SNX29: variants seen among roughly 807,000 people sequenced by gnomAD.
SNX29 encodes sorting nexin 29.
Under a neutral mutation model 102.1 loss-of-function variants are expected in SNX29, and 78 were observed. That is an observed-to-expected ratio of 0.76 (90% CI 0.64 to 0.92). The LOEUF (loss-of-function observed/expected upper bound fraction) is 0.92. Among genes scored for constraint, SNX29 ranks in the 40% least tolerant of loss-of-function variants. SNX29 has a pLI of 0.00. For missense variants in SNX29, 1,280 were observed against 1,061.7 expected, an observed-to-expected ratio of 1.21 and a Z score of -2.86; for synonymous variants, 580 against 414.5, an observed-to-expected ratio of 1.40 and a Z score of -4.85.
intron 16 of SNX29, among the ~76,000 whole-genome samples, chr16:12,392,946 A>G (rs1174723368): frequency 6.6e-6 from 1 of 152,198 alleles, no homozygotes; most frequent in African/African-American, 2.4e-5. Flanking sequence ...GGCTTGACCA[A>G]CCAAGCTGAG....
chr16:12,559,539 C>T (rs1339065074), intron 20 of SNX29, among the ~76,000 whole-genome samples: 4 of 151,962 alleles, frequency 2.6e-5, no homozygotes, highest in South Asian at 2.1e-4. Flanking sequence ...GCATCCCCAC[C>T]CCCTACATCT....
intron 11 of SNX29, among the ~76,000 whole-genome samples, chr16:12,120,378 G>C (rs1004436658): frequency 6.6e-6 from 1 of 152,252 alleles, no homozygotes; most frequent in South Asian, 2.1e-4. Context: ...AAGCCAGGGA[G>C]TTATTGCACA....
intron 3 of SNX29, among the ~76,000 whole-genome samples, chr16:12,013,488 G>GAAA (rs564156499): frequency 0.032 from 410 of 12,912 alleles, 39 homozygotes; most frequent in Middle Eastern, 0.1. Context: ...TCTACTGGGG[G>GAAA]AAAAAAAAAA....
chr16:12,513,149 C>T (rs1014694200), intron 19 of SNX29, among the ~76,000 whole-genome samples: 48 of 151,730 alleles, frequency 3.2e-4, no homozygotes, highest in Admixed American at 2.9e-3. Context: ...CTCATCCTCC[C>T]TTCCTCTGAA....
rs764525548 is a variant in SNX29 at position 12,087,844 on chromosome 16, C to G, written c.1402+8929C>G. The G allele has an allele frequency of 1.3e-4, 60 of 456,936 alleles. No individual in the cohort carries two copies. In the East Asian group the frequency reaches 2.1e-3, roughly 16 times the overall value. The allele number at this position is 456,936 out of a possible 1,614,324, so 28.3% of individuals were successfully genotyped here. ...CTCTTTCCCTCTTCCTCCTGGTTGA[C>G]GTGGCTGGGAAGCAGCAGTGTTTTG... is the stretch of plus-strand genomic sequence containing the variant. On this transcript the variant is annotated intron_variant, in intron 11 of 20. Transcript: ENST00000566228.
intron 14 of SNX29, among the ~76,000 whole-genome samples, chr16:12,216,700 C>T (rs1033130746): frequency 2.0e-5 from 3 of 152,232 alleles, no homozygotes; most frequent in East Asian, 3.9e-4. Context: ...CATTGCCTGC[C>T]CATGTGCCCT....
intron 18 of SNX29, among the ~76,000 whole-genome samples, chr16:12,462,422 C>T (rs958722219): frequency 6.6e-6 from 1 of 152,108 alleles, no homozygotes; most frequent in African/African-American, 2.4e-5. Context: ...TCCCACTTAA[C>T]TTGAAAAATA....
chr16:12,122,063 G>T (rs2053996473), intron 11 of SNX29, among the ~76,000 whole-genome samples: 1 of 152,202 alleles, frequency 6.6e-6, no homozygotes, highest in Non-Finnish European at 1.5e-5. Flanking sequence ...TGATCTGCCT[G>T]CCTCAGCCTC....
chr16:12,157,825 G>C (rs59543877), intron 13 of SNX29, among the ~76,000 whole-genome samples: 5,639 of 152,190 alleles, frequency 0.037, 343 homozygotes, highest in African/African-American at 0.13. Context: ...AAAGCCCTTT[G>C]TGCCTCTGGG....
chr16:12,406,044 AC>A (rs1434592438), intron 18 of SNX29, among the ~76,000 whole-genome samples: 8 of 152,186 alleles, frequency 5.3e-5, no homozygotes, highest in African/African-American at 1.9e-4. Flanking sequence ...AAAAAAGAAA[AC>A]AAGTATGCTA....
intron 19 of SNX29, among the ~76,000 whole-genome samples, chr16:12,492,304 G>A (rs944115226): frequency 6.6e-6 from 1 of 152,176 alleles, no homozygotes; most frequent in African/African-American, 2.4e-5. Context: ...TTTTTCATGT[G>A]TTTTTTGGCT....
chr16:12,547,693 T>G (rs2141310460), intron 20 of SNX29, among the ~76,000 whole-genome samples: 1 of 152,232 alleles, frequency 6.6e-6, no homozygotes. Context: ...GGCCCCCGCG[T>G]TCCTGTCTGG....
At chr16:12,404,164 G>T (rs916740008) in intron 18 of SNX29, among the ~76,000 whole-genome samples, 3 of 152,322 alleles carry the variant, frequency 2.0e-5, no homozygotes, top group Non-Finnish European at 4.4e-5. Flanking sequence ...GAGAGCCAGA[G>T]AATTCTTTCC....
chr16:12,497,233 A>G (rs2088874593), intron 19 of SNX29, among the ~76,000 whole-genome samples: 1 of 152,222 alleles, frequency 6.6e-6, no homozygotes, highest in Non-Finnish European at 1.5e-5. Context: ...AAAAAAGTAA[A>G]CGAAAAGCTT....
At chr16:11,991,521 A>T (rs2055846773) in intron 1 of SNX29, among the ~76,000 whole-genome samples, 2 of 151,736 alleles carry the variant, frequency 1.3e-5, no homozygotes, top group South Asian at 4.2e-4. Context: ...AATATATGTA[A>T]ATTTATTTAT....
At chr16:12,532,203 A>G (rs979280032) in intron 20 of SNX29, among the ~76,000 whole-genome samples, 1 of 152,234 alleles carries the variant, frequency 6.6e-6, no homozygotes, top group African/African-American at 2.4e-5. Flanking sequence ...TTGCAAATAA[A>G]TACTAATATG....
chr16:12,277,993 T>C lies in SNX29; in HGVS notation c.1739T>C (p.Ile580Thr). The C allele has an allele frequency of 6.2e-7, 1 of 1,608,576 alleles. No individual in the cohort carries two copies. The highest frequency in any genetic ancestry group is 8.5e-7 in the Non-Finnish European group (1 of 1,177,464). ...GTAGCTGAACAGAAGCCGGGAGAAA[T>C]TGCTGAAGAACTCGCAAGCTCCTAC... ...VTVAEQKPGE[I>T]AEELASSYER... The change falls in exon 15 of 21, where the codon ATT (isoleucine) becomes ACT (threonine). Residue 580 changes from isoleucine (I) to threonine (T), a missense_variant. By Grantham distance (89) the Ile-to-Thr change is moderately conservative (BLOSUM62 -1). Coordinates refer to ENST00000566228, the MANE Select transcript of SNX29 (RefSeq NM_032167.5).
chr16:12,083,577 A>G (rs113333888), intron 11 of SNX29, among the ~76,000 whole-genome samples: 2,200 of 152,268 alleles, frequency 0.014, 57 homozygotes, highest in African/African-American at 0.049. Flanking sequence ...TTGTCTCCAT[A>G]TAAACTCCGA....
intron 14 of SNX29, among the ~76,000 whole-genome samples, chr16:12,228,570 C>T (rs2077682661): frequency 6.6e-6 from 1 of 152,250 alleles, no homozygotes; most frequent in Non-Finnish European, 1.5e-5. Flanking sequence ...CCTTCAGTGA[C>T]TTCCCGTTGC....
Sources: gnomAD v4.1 joint callset for allele counts (sites outside exome capture counted in the v4.1 genomes callset) on GRCh38, gnomAD v4.1.1 for gene constraint, MANE v1.5 for transcripts, NCBI Gene and HGNC (gene_info 2026-07-23, HGNC 2026-07-21) for gene names.